ANKRD11: variants seen among roughly 807,000 people sequenced by gnomAD.
ANKRD11 encodes the protein ankyrin repeat domain-containing protein 11.
A neutral mutation model predicts 195.7 loss-of-function variants in ANKRD11; 17 were observed. That is an observed-to-expected ratio of 0.09 (90% confidence interval 0.06 to 0.13). The LOEUF (loss-of-function observed/expected upper bound fraction) is 0.13. Among genes scored for constraint, ANKRD11 ranks in the 10% least tolerant of loss-of-function variants. The probability of loss-of-function intolerance (pLI) is 1.00; values close to 1 mark genes in which losing one functional copy is unlikely to be tolerated. For synonymous variants in ANKRD11, 1,953 were observed against 1,528.1 expected (o/e 1.28, Z -6.49); for missense variants, 3,735 against 3,566.1 (o/e 1.05, Z -1.21).
intron 1 of ANKRD11, among the ~76,000 whole-genome samples, chr16:89,432,142 T>C (rs974040434): frequency 6.6e-6 from 1 of 151,908 alleles, no homozygotes; most frequent in African/African-American, 2.4e-5. Flanking sequence ...AGGGGAGAAT[T>C]TGCCACATCT....
chr16:89,317,616 C>T (rs968373496), intron 2 of ANKRD11, among the ~76,000 whole-genome samples: 1 of 152,188 alleles, frequency 6.6e-6, no homozygotes, highest in Non-Finnish European at 1.5e-5. Flanking sequence ...ACTTGGTAGG[C>T]AAGGGGTGTC....
At chr16:89,368,509 C>T (rs952528321) in intron 2 of ANKRD11, among the ~76,000 whole-genome samples, 3 of 150,868 alleles carry the variant, frequency 2.0e-5, no homozygotes, top group Non-Finnish European at 2.9e-5. Flanking sequence ...CATGAGCCAC[C>T]GCGCCCAGCC....
chr16:89,444,261 A>T (rs573382843), intron 1 of ANKRD11, among the ~76,000 whole-genome samples: 1 of 152,106 alleles, frequency 6.6e-6, no homozygotes, highest in Non-Finnish European at 1.5e-5. Flanking sequence ...GTCAGCAGAA[A>T]ACTGTCTCCA....
intron 9 of ANKRD11, chr16:89,278,832 A>C (rs902282793): frequency 1.3e-5 from 9 of 701,842 alleles, no homozygotes; most frequent in Non-Finnish European, 2.3e-5. Flanking sequence ...GGGGGAGGTC[A>C]GGAGACCGAG....
Position 89,291,432 on chromosome 16 carries a change from G to C in ANKRD11, c.227-249C>G, listed in dbSNP as rs1009916322. 6.6e-6 allele frequency among the ~76,000 whole-genome samples: 1 copy of C among 151,942 alleles called. No individual in the cohort carries two copies. The highest frequency in any genetic ancestry group is 6.6e-5 in the Admixed American group (1 of 15,264). On this transcript the variant is annotated intron_variant, in intron 4 of 12. Transcript: ENST00000301030. The surrounding 1 kb of genome is among the most constrained non-coding windows in gnomAD (Gnocchi z 5.3). ...CAGCCCCTCAAGTCTGCTAAGCCTG[G>C]GCCTCCACCGAGCATCCACTCACTC...
At chr16:89,361,200 A>G (rs527812285) in intron 2 of ANKRD11, among the ~76,000 whole-genome samples, 1 of 152,062 alleles carries the variant, frequency 6.6e-6, no homozygotes, top group East Asian at 1.9e-4. Flanking sequence ...ACCTCTGCGC[A>G]CCCCTTAGGA....
intron 4 of ANKRD11, among the ~76,000 whole-genome samples, chr16:89,304,731 A>G (rs1328913539): frequency 1.3e-5 from 2 of 152,174 alleles, no homozygotes; most frequent in Non-Finnish European, 2.9e-5. Flanking sequence ...CACACAGCAC[A>G]CACATTCCTG....
chr16:89,457,734 C>G (rs536534957), intron 1 of ANKRD11, among the ~76,000 whole-genome samples: 11 of 152,090 alleles, frequency 7.2e-5, no homozygotes, highest in South Asian at 2.1e-4. Flanking sequence ...ATGGAAATGT[C>G]TGTGTCAAGC....
intron 1 of ANKRD11, among the ~76,000 whole-genome samples, chr16:89,427,585 T>C (rs982714721): frequency 3.3e-5 from 5 of 152,112 alleles, no homozygotes; most frequent in African/African-American, 9.7e-5. Flanking sequence ...TCACTTGATG[T>C]CAGGAGTTTG....
intron 2 of ANKRD11, among the ~76,000 whole-genome samples, chr16:89,322,767 C>G (rs955601623): frequency 1.3e-5 from 2 of 152,124 alleles, no homozygotes; most frequent in Admixed American, 6.6e-5. Flanking sequence ...CTGGGCACAG[C>G]CCCGCATGGT....
chr16:89,445,974 A>C (rs1483557564), intron 1 of ANKRD11, among the ~76,000 whole-genome samples: 2 of 150,062 alleles, frequency 1.3e-5, no homozygotes, highest in Admixed American at 1.3e-4. Context: ...CGTCTCAAAA[A>C]CAAAAACAAA....
At chr16:89,410,542 G>A (rs1029152278) in intron 2 of ANKRD11, among the ~76,000 whole-genome samples, 1 of 152,112 alleles carries the variant, frequency 6.6e-6, no homozygotes, top group Non-Finnish European at 1.5e-5. Flanking sequence ...GGGCTACAAA[G>A]GCCACCCTCT....
rs1426541083 is a variant in ANKRD11 at position 89,283,107 on chromosome 16, C to A, written c.3435G>T (p.Arg1145Ser). ...CCTCCTTCTCCTGGAGGCCGTCCGTCCTCGGCAAGTCGCTGGCCTCTCCCA... is the reference window on the plus strand; with the variant it reads ...CCTCCTTCTCCTGGAGGCCGTCCGTACTCGGCAAGTCGCTGGCCTCTCCCA... Reference protein sequence around the residue: ...FKMGEASDLPRTDGLQEKEEG... With the variant: ...FKMGEASDLPSTDGLQEKEEG... The change falls in exon 9 of 13, where the codon AGG becomes AGT. Residue 1145 changes from arginine (R) to serine (S), a missense_variant. Arg to Ser is a moderately radical substitution (Grantham distance 110). Transcript: ENST00000301030. This position sits in a 1 kb window ranked among gnomAD's most constrained non-coding sequence, Gnocchi z 4.3. 1 of 1,614,028 alleles carries A rather than the reference C, an allele frequency of 6.2e-7. No individual in the cohort carries two copies. Among genetic ancestry groups the A allele is most frequent in the East Asian group, 2.2e-5 (1 of 44,862 alleles).
intron 1 of ANKRD11, among the ~76,000 whole-genome samples, chr16:89,476,912 A>G (rs1377767848): frequency 6.6e-6 from 1 of 152,056 alleles, no homozygotes; most frequent in African/African-American, 2.4e-5. Context: ...CACACAACAC[A>G]CGTTTATACA....
At chr16:89,396,086 G>T (rs981656417) in intron 2 of ANKRD11, 1 of 152,194 alleles carries the variant, frequency 6.6e-6, no homozygotes, top group East Asian at 1.9e-4. Flanking sequence ...AAAGACAGCT[G>T]CAAGTTCAGC....
chr16:89,490,156 G>C (rs2057779420), intron 1 of ANKRD11, 89 bp downstream of exon 1: 1 of 123,488 alleles, frequency 8.1e-6, no homozygotes, highest in African/African-American at 3.1e-5. Flanking sequence ...GCGCAGCTCC[G>C]TCGCCGGGGA....
At chr16:89,324,368 G>T (rs1398870912) in intron 2 of ANKRD11, 5 of 868,802 alleles carry the variant, frequency 5.8e-6, no homozygotes, top group South Asian at 2.7e-5. Context: ...AAGCCAGGAG[G>T]GCGGCACGTG....
intron 2 of ANKRD11, among the ~76,000 whole-genome samples, chr16:89,381,331 CAAAAAAA>C (rs10567322): frequency 2.6e-4 from 20 of 76,348 alleles, no homozygotes; most frequent in Non-Finnish European, 3.5e-4. Flanking sequence ...GACTCTGCTG[CAAAAAAA>C]AAAAAAAAAA....
At chr16:89,287,048 C>A in intron 7 of ANKRD11, 1 of 1,289,780 alleles carries the variant, frequency 7.8e-7, no homozygotes, top group Non-Finnish European at 1.0e-6. Flanking sequence ...CTCAGGCTTA[C>A]AATTGTGGAG....
Sources: allele counts gnomAD v4.1 joint callset (sites outside exome capture counted in the v4.1 genomes callset), GRCh38; gene constraint gnomAD v4.1.1; non-coding constraint Gnocchi (gnomAD v3.1); transcripts MANE v1.5; gene names NCBI Gene and HGNC (gene_info 2026-07-23, HGNC 2026-07-21).